The following BTNL8 variants were observed in gnomAD, a reference collection of about 807,000 sequenced individuals.
BTNL8 encodes butyrophilin-like protein 8.
A neutral mutation model predicts 36.1 loss-of-function variants in BTNL8; 22 were observed. The observed-to-expected ratio is 0.61, with a 90% CI of 0.44 to 0.87. The LOEUF is 0.87. Ranked by LOEUF, BTNL8 falls within the 40% of genes least tolerant of loss-of-function variation. The pLI, the probability that BTNL8 is intolerant of heterozygous loss-of-function variation, is 0.00. For missense variants in BTNL8, 526 were observed against 616.9 expected (o/e 0.85, Z 1.56); for synonymous variants, 203 against 235.6 (o/e 0.86, Z 1.27).
intron 3 of BTNL8, among the ~76,000 whole-genome samples, chr5:180,914,119 C>T (rs35769444): frequency 0.19 from 28,410 of 152,064 alleles, 4,432 homozygotes; most frequent in African/African-American, 0.43. Context: ...CATGTTGAAA[C>T]GAAATCCCCA....
At chr5:180,925,855 T>C (rs575577144) in intron 3 of BTNL8, among the ~76,000 whole-genome samples, 2 of 152,208 alleles carry the variant, frequency 1.3e-5, no homozygotes, top group African/African-American at 4.8e-5. Context: ...TGTAAAGAAA[T>C]ACAAATTACA....
rs138993017 is a variant in BTNL8, at chr5:180,915,059, A to T, written c.673+3445A>T. Reference sequence around the variant, plus strand: ...AACACTGAGGGGACCATGTGGCTGAATCATCTGGGGGCAGCTAGGAGTAGG... The same window carrying T: ...AACACTGAGGGGACCATGTGGCTGATTCATCTGGGGGCAGCTAGGAGTAGG... On this transcript the variant is annotated intron_variant, in intron 3 of 7. Coordinates refer to ENST00000340184, the MANE Select transcript of BTNL8 (RefSeq NM_001040462.3). Among the ~76,000 whole-genome samples, 916 of 152,304 alleles carry T rather than the reference A, an allele frequency of 6.0e-3. 10 individuals are homozygous for T. The South Asian group carries it at 0.076, about 13-fold the overall frequency.
At position 180,950,734 on chromosome 5, in the gene BTNL8, C is replaced by A; in HGVS notation, c.*190C>A. ...ACATTACATTTAGTTTGCTCTCACT[C>A]CATCTGGCTAAGTGATCTTGAAATA... On this transcript the variant is annotated 3_prime_UTR_variant, in exon 8 of 8. Transcript: ENST00000340184. 1 of 611,930 alleles carries A rather than the reference C, an allele frequency of 1.6e-6. No individual in the cohort carries two copies. Among genetic ancestry groups the A allele is most frequent in the Non-Finnish European group, 2.7e-6 (1 of 365,992 alleles). 37.9% of individuals were successfully genotyped at this position (611,930 alleles called of 1,614,324 possible).
intron 1 of BTNL8, among the ~76,000 whole-genome samples, chr5:180,900,828 T>G (rs1229399519): frequency 6.6e-6 from 1 of 152,246 alleles, no homozygotes; most frequent in Non-Finnish European, 1.5e-5. Context: ...AGGAACTTTA[T>G]AGATGGTGGC....
intron 2 of BTNL8, 123 bp downstream of exon 2, chr5:180,909,056 C>T (rs1280184018): frequency 2.1e-6 from 2 of 945,440 alleles, no homozygotes; most frequent in East Asian, 4.8e-5. Context: ...ATTCTATACT[C>T]TACGTTCCTT....
intron 3 of BTNL8, among the ~76,000 whole-genome samples, chr5:180,933,148 C>T (rs954904675): frequency 2.6e-5 from 4 of 151,998 alleles, no homozygotes; most frequent in African/African-American, 7.3e-5. Context: ...AATATATATG[C>T]ACAAAACATC....
At chr5:180,928,655 G>T (rs540610026) in intron 3 of BTNL8, among the ~76,000 whole-genome samples, 47 of 152,238 alleles carry the variant, frequency 3.1e-4, no homozygotes, top group African/African-American at 1.0e-3. Flanking sequence ...AAAAGCAGGC[G>T]TTGCAATCCT....
chr5:180,948,094 C>A, intron 4 of BTNL8: 1 of 649,088 alleles, frequency 1.5e-6, no homozygotes, highest in East Asian at 2.9e-5. Flanking sequence ...CCCCTCCCAG[C>A]TGCCTTCTCC....
At position 180,899,415 on chromosome 5, in the gene BTNL8, C is replaced by T; in HGVS notation, c.49+56C>T. On this transcript the variant is annotated intron_variant, in intron 1 of 7. Transcript: ENST00000340184. ...ACTAACAGTTTGAGTTCTTTAGCTACAATGGTTGCAGCATAATGGAATGAA... is the reference window on the plus strand; with the variant it reads ...ACTAACAGTTTGAGTTCTTTAGCTATAATGGTTGCAGCATAATGGAATGAA... The T allele has an allele frequency of 3.2e-6, 5 of 1,545,470 alleles. No individual in the cohort carries two copies. In the South Asian group the frequency reaches 4.5e-5, roughly 14 times the overall value.
intron 3 of BTNL8, among the ~76,000 whole-genome samples, chr5:180,921,323 T>C (rs890299878): frequency 5.3e-5 from 8 of 152,014 alleles, no homozygotes; most frequent in African/African-American, 9.7e-5. Context: ...ACATATGTAA[T>C]GAAATATTAC....
chr5:180,919,231 T>A (rs62406711), intron 3 of BTNL8, among the ~76,000 whole-genome samples: 2 of 152,036 alleles, frequency 1.3e-5, no homozygotes, highest in South Asian at 2.1e-4. Flanking sequence ...TTTGTCAGTC[T>A]TAAGACCTCT....
intron 3 of BTNL8, among the ~76,000 whole-genome samples, chr5:180,920,728 T>G (rs1009827926): frequency 1.3e-5 from 2 of 152,056 alleles, no homozygotes; most frequent in African/African-American, 4.8e-5. Flanking sequence ...TGTAAGACAC[T>G]CATACAACTC....
At chr5:180,908,160 G>A (rs1055424563) in intron 1 of BTNL8, among the ~76,000 whole-genome samples, 2 of 152,156 alleles carry the variant, frequency 1.3e-5, no homozygotes, top group African/African-American at 2.4e-5. Flanking sequence ...AGCAATCAGC[G>A]AGACTCTGTG....
At chr5:180,911,748 C>A in intron 3 of BTNL8, 134 bp downstream of exon 3, 4 of 944,746 alleles carry the variant, frequency 4.2e-6, no homozygotes, top group Non-Finnish European at 6.2e-6. Flanking sequence ...AGTTTAAAAT[C>A]AATGAGATGT....
chr5:180,905,959 T>G (rs10479588), intron 1 of BTNL8, among the ~76,000 whole-genome samples: 30,099 of 113,528 alleles, frequency 0.27, 5,036 homozygotes, highest in African/African-American at 0.43. Flanking sequence ...GTCAATTTTG[T>G]AACAGGTGTG....
chr5:180,932,990 C>T (rs1758472292), intron 3 of BTNL8, among the ~76,000 whole-genome samples: 2 of 124,560 alleles, frequency 1.6e-5, no homozygotes, highest in Admixed American at 1.6e-4. Flanking sequence ...AAGGATATTC[C>T]ATGCAAATAA....
Position 180,906,406 on chromosome 5 carries a change from C to T in BTNL8, c.50-2180C>T, listed in dbSNP as rs1442683703. Among the ~76,000 whole-genome samples the T allele has an allele frequency of 3.3e-5, 4 of 120,820 alleles. 2 individuals are homozygous for T. Among genetic ancestry groups the T allele is most frequent in the African/African-American group, 1.7e-4 (4 of 23,830 alleles). The allele number at this position is 120,820 out of a possible 152,430, so 79.3% of individuals were successfully genotyped here. On this transcript the variant is annotated intron_variant, in intron 1 of 7. Coordinates refer to ENST00000340184, the MANE Select transcript of BTNL8 (RefSeq NM_001040462.3). ...CTTCCTCCATCCTTTTATTTTGAGC[C>T]TATGTGTGCCTCTGCACGTGAGATG... is the stretch of plus-strand genomic sequence containing the variant.
chr5:180,928,936 C>A (rs556085485), intron 3 of BTNL8, among the ~76,000 whole-genome samples: 4 of 152,264 alleles, frequency 2.6e-5, no homozygotes, highest in Admixed American at 2.0e-4. Context: ...ATATTCAGGA[C>A]TTGAACTCAG....
At chr5:180,902,433 A>ATCCTATTTCT (rs1756862689) in intron 1 of BTNL8, 2 of 1,538,850 alleles carry the variant, frequency 1.3e-6, no homozygotes, top group Admixed American at 3.9e-5. Context: ...CTGGCTTTAG[A>ATCCTATTTCT]AATAGGATTG....
Sources: allele counts gnomAD v4.1 joint callset (sites outside exome capture counted in the v4.1 genomes callset), GRCh38; gene constraint gnomAD v4.1.1; transcripts MANE v1.5; gene names NCBI Gene and HGNC (gene_info 2026-07-23, HGNC 2026-07-21).